NKAIN3: variants seen among roughly 807,000 people sequenced by gnomAD.
NKAIN3 encodes sodium/potassium transporting ATPase interacting 3, also known as sodium/potassium-transporting ATPase subunit beta-1-interacting protein 3.
NKAIN3 carries 25 observed loss-of-function variants against 30.2 expected under a neutral mutation model. The ratio of observed to expected loss-of-function variants is 0.83; its 90% CI spans 0.60 to 1.16. The LOEUF (loss-of-function observed/expected upper bound fraction) is 1.16. Ranked by LOEUF, NKAIN3 falls within the 50% of genes most tolerant of loss-of-function variation. NKAIN3 has a pLI of 0.00. For missense variants in NKAIN3, 225 were observed against 254.1 expected, an observed-to-expected ratio of 0.89 and a Z score of 0.78; for synonymous variants, 91 against 89.6, an observed-to-expected ratio of 1.02 and a Z score of -0.09.
chr8:62,315,972 T>A (rs1814610596), intron 1 of NKAIN3, among the ~76,000 whole-genome samples: 1 of 152,188 alleles, frequency 6.6e-6, no homozygotes, highest in Admixed American at 6.5e-5. Context: ...AGTAATTGAA[T>A]CATGGGGGCG....
chr8:62,542,374 G>C (rs1808871203), intron 1 of NKAIN3, among the ~76,000 whole-genome samples: 1 of 151,966 alleles, frequency 6.6e-6, no homozygotes, highest in South Asian at 2.1e-4. Context: ...AGGTCTAACT[G>C]TTCTTTGTTT....
chr8:62,721,401 A>C (rs1185084704), intron 3 of NKAIN3, among the ~76,000 whole-genome samples: 1 of 152,184 alleles, frequency 6.6e-6, no homozygotes, highest in East Asian at 1.9e-4. Flanking sequence ...AAAGAGTGCA[A>C]ATTCTACTAT....
intron 1 of NKAIN3, among the ~76,000 whole-genome samples, chr8:62,542,102 C>T (rs557852589): frequency 1.3e-5 from 2 of 152,254 alleles, no homozygotes; most frequent in Admixed American, 6.5e-5. Context: ...GAGGCTCTTT[C>T]CCCTGAGAGT....
chr8:62,739,393 C>T (rs773973669), intron 3 of NKAIN3, among the ~76,000 whole-genome samples: 19 of 152,246 alleles, frequency 1.2e-4, no homozygotes, highest in Non-Finnish European at 2.1e-4. Context: ...CATTCTTCCA[C>T]CCAAGCTTCA....
At chr8:62,831,351 A>G (rs1036042484) in intron 4 of NKAIN3, among the ~76,000 whole-genome samples, 1 of 152,220 alleles carries the variant, frequency 6.6e-6, no homozygotes, top group Non-Finnish European at 1.5e-5. Context: ...GACACCAAAG[A>G]ATCACACTAG....
intron 4 of NKAIN3, among the ~76,000 whole-genome samples, chr8:62,893,976 T>C (rs1168790976): frequency 6.6e-6 from 1 of 152,194 alleles, no homozygotes; most frequent in Non-Finnish European, 1.5e-5. Context: ...TCTCCCAGGA[T>C]ACCGGACATA....
intron 4 of NKAIN3, among the ~76,000 whole-genome samples, chr8:62,771,489 ATAAT>A (rs1563554766): frequency 1.3e-5 from 2 of 152,254 alleles, no homozygotes; most frequent in African/African-American, 4.8e-5. Context: ...AAAAATAATA[ATAAT>A]TAAAGAACAA....
At chr8:62,956,667 A>T (rs566040846) in intron 6 of NKAIN3, among the ~76,000 whole-genome samples, 3 of 151,912 alleles carry the variant, frequency 2.0e-5, no homozygotes, top group East Asian at 1.9e-4. Context: ...ATATCAAGCT[A>T]AAAAAAAGCC....
At chr8:62,645,200 C>A (rs1016516345) in intron 3 of NKAIN3, among the ~76,000 whole-genome samples, 5 of 152,210 alleles carry the variant, frequency 3.3e-5, no homozygotes, top group Middle Eastern at 3.4e-3. Flanking sequence ...ATTCAGATCA[C>A]AGAATTGAAC....
intron 4 of NKAIN3, among the ~76,000 whole-genome samples, chr8:62,869,739 G>A (rs1820534007): frequency 6.6e-6 from 1 of 151,620 alleles, no homozygotes; most frequent in African/African-American, 2.4e-5. Context: ...TGTCAGCCCC[G>A]TTTTTTTTCC....
chr8:62,256,117 A>C (rs1017967868), intron 1 of NKAIN3, among the ~76,000 whole-genome samples: 1 of 152,098 alleles, frequency 6.6e-6, no homozygotes, highest in Non-Finnish European at 1.5e-5. Flanking sequence ...TTAGTTTTTA[A>C]GATTTTAGGA....
At chr8:62,643,973 A>G (rs1324392835) in intron 3 of NKAIN3, among the ~76,000 whole-genome samples, 3 of 152,052 alleles carry the variant, frequency 2.0e-5, no homozygotes, top group Non-Finnish European at 1.5e-5. Context: ...CATGGATTCT[A>G]TTAAAGGACA....
chr8:62,326,312 C>A (rs1294915542), intron 1 of NKAIN3, among the ~76,000 whole-genome samples: 1 of 151,754 alleles, frequency 6.6e-6, no homozygotes, highest in Non-Finnish European at 1.5e-5. Flanking sequence ...TGAATCTGGA[C>A]CCTTACTGTA....
intron 2 of NKAIN3, among the ~76,000 whole-genome samples, chr8:62,587,730 A>G (rs372602471): frequency 1.3e-5 from 2 of 152,008 alleles, no homozygotes; most frequent in African/African-American, 2.4e-5. Flanking sequence ...AGCACTTACC[A>G]CAATACCAGG....
intron 5 of NKAIN3, among the ~76,000 whole-genome samples, chr8:62,921,710 A>G (rs1201176576): frequency 6.6e-6 from 1 of 152,124 alleles, no homozygotes; most frequent in Non-Finnish European, 1.5e-5. Context: ...TTAAATATAT[A>G]TACATAAATA....
intron 1 of NKAIN3, among the ~76,000 whole-genome samples, chr8:62,407,339 T>G (rs1379333515): frequency 2.0e-5 from 3 of 151,268 alleles, no homozygotes; most frequent in African/African-American, 7.3e-5. Flanking sequence ...GATCATGGTA[T>G]ATAGAGAGTT....
chr8:62,462,154 G>A (rs1009786398), intron 1 of NKAIN3, among the ~76,000 whole-genome samples: 1 of 152,134 alleles, frequency 6.6e-6, no homozygotes, highest in African/African-American at 2.4e-5. Context: ...CAGAGTCCAT[G>A]GGCACAGGCG....
intron 4 of NKAIN3, among the ~76,000 whole-genome samples, chr8:62,830,426 A>G (rs1461869839): frequency 6.6e-6 from 1 of 152,208 alleles, no homozygotes; most frequent in Non-Finnish European, 1.5e-5. Flanking sequence ...GGTAAATAGC[A>G]TTAACCAAGG....
intron 1 of NKAIN3, among the ~76,000 whole-genome samples, chr8:62,317,003 G>C (rs1265876059): frequency 1.3e-5 from 2 of 152,118 alleles, no homozygotes; most frequent in South Asian, 2.1e-4. Flanking sequence ...TTGTGGTTTT[G>C]ATTTGCATTT....
Sources: allele counts gnomAD v4.1 joint callset (sites outside exome capture counted in the v4.1 genomes callset), GRCh38; gene constraint gnomAD v4.1.1; transcripts MANE v1.5; gene names NCBI Gene and HGNC (gene_info 2026-07-23, HGNC 2026-07-21).